COPS4: variants seen among roughly 807,000 people sequenced by gnomAD.
COPS4 encodes COP9 signalosome complex subunit 4.
COPS4 carries 8 observed loss-of-function variants against 55.1 expected under a neutral mutation model. That is an observed-to-expected ratio of 0.15 (90% CI 0.09 to 0.26). The LOEUF (loss-of-function observed/expected upper bound fraction) is 0.26. COPS4 is among the 10% of genes least tolerant of loss of function. The pLI is 1.00. For missense variants in COPS4, 248 were observed against 484.0 expected (o/e 0.51, Z 4.58); for synonymous variants, 185 against 165.7 (o/e 1.12, Z -0.90).
chr4:83,042,398 A>G (rs1730590966), intron 1 of COPS4, among the ~76,000 whole-genome samples: 1 of 152,100 alleles, frequency 6.6e-6, no homozygotes, highest in Non-Finnish European at 1.5e-5. Flanking sequence ...TTTGTTAGTC[A>G]TTTTATGTTA....
intron 7 of COPS4, among the ~76,000 whole-genome samples, chr4:83,064,718 C>G (rs1219290476): frequency 6.6e-6 from 1 of 151,910 alleles, no homozygotes; most frequent in African/African-American, 2.4e-5. Flanking sequence ...CACCACCATG[C>G]CTGGTTAATA....
chr4:83,039,451 C>CT (rs1192916082), intron 1 of COPS4, among the ~76,000 whole-genome samples: 1 of 152,152 alleles, frequency 6.6e-6, no homozygotes, highest in Non-Finnish European at 1.5e-5. Context: ...GAAATAAACT[C>CT]TACCTTTTGA....
rs572628252 is a variant in COPS4 at position 83,059,040 on chromosome 4, A to G, written c.715+1632A>G. 1.6e-3 allele frequency among the ~76,000 whole-genome samples: 241 copies of G among 151,824 alleles called. 2 individuals are homozygous for G. Among genetic ancestry groups the G allele is most frequent in the Non-Finnish European group, 2.0e-3 (133 of 67,958 alleles). On this transcript the variant is annotated intron_variant, in intron 6 of 9. Transcript: ENST00000264389. ...TTTGTATTGATGAATGCTCTTGAGC[A>G]TTTTTCGTATGTTTAAAAAAATTGT...
intron 9 of COPS4, among the ~76,000 whole-genome samples, chr4:83,070,874 A>C (rs1038083563): frequency 2.6e-5 from 4 of 152,242 alleles, no homozygotes; most frequent in African/African-American, 9.6e-5. Context: ...AAAGTTCTAC[A>C]AAGTCTCCCA....
At chr4:83,035,359 C>A in intron 1 of COPS4, 61 bp downstream of exon 1, 1 of 1,350,032 alleles carries the variant, frequency 7.4e-7, no homozygotes, top group Non-Finnish European at 1.0e-6. Flanking sequence ...CAGCCTTAAT[C>A]TCCTTAGGTT....
chr4:83,044,659 C>T (rs1213140997), intron 1 of COPS4, among the ~76,000 whole-genome samples: 1 of 142,370 alleles, frequency 7.0e-6, no homozygotes, highest in Non-Finnish European at 1.5e-5. Context: ...CCTGTAATCC[C>T]AGCTACTCAG....
At position 83,037,660 on chromosome 4, in the gene COPS4, A is replaced by AT. The variant is rs1730460989; in HGVS notation, c.74+2368dup. ...ATATCAGTGTGTTTTTTTTTAATGT[A>AT]TTTTTTCTTGTATGTACTTTTAATG... On this transcript the variant is annotated intron_variant, in intron 1 of 9. Transcript: ENST00000264389. Among the ~76,000 whole-genome samples, 12 of 151,654 alleles carry AT rather than the reference A, an allele frequency of 7.9e-5. 2 individuals are homozygous for AT. In the South Asian group the frequency reaches 2.5e-3, roughly 32 times the overall value.
At chr4:83,062,973 A>G (rs749371150) in intron 6 of COPS4, 103 bp from the exon 7 acceptor site, 1 of 942,878 alleles carries the variant, frequency 1.1e-6, no homozygotes, top group Non-Finnish European at 1.6e-6. Flanking sequence ...TACTGGCTGT[A>G]TATTTAGTAG....
Position 83,045,424 on chromosome 4 carries a change from T to C in COPS4, c.75-202T>C, listed in dbSNP as rs540324158. ...CTATACTGAAAACTAGATGAAGTGGTACCTTATATAATTATAGATTTAATA... is the reference window on the plus strand; with the variant it reads ...CTATACTGAAAACTAGATGAAGTGGCACCTTATATAATTATAGATTTAATA... On this transcript the variant is annotated intron_variant, in intron 1 of 9. Transcript: ENST00000264389. Among the ~76,000 whole-genome samples the C allele has an allele frequency of 2.4e-4, 37 of 152,236 alleles. No homozygotes were observed. The East Asian group carries it at 5.4e-3, about 22-fold the overall frequency.
chr4:83,056,803 A>C (rs1438179773), intron 4 of COPS4, 123 bp from the exon 5 acceptor site: 10 of 782,582 alleles, frequency 1.3e-5, no homozygotes, highest in African/African-American at 5.3e-5. Context: ...CATCTCAAAA[A>C]AAAAGTTTGA....
chr4:83,036,915 C>G (rs1200725652), intron 1 of COPS4, among the ~76,000 whole-genome samples: 1 of 152,204 alleles, frequency 6.6e-6, no homozygotes, highest in East Asian at 1.9e-4. Context: ...TAAGTATTTA[C>G]TTCTTCAGGT....
intron 8 of COPS4, among the ~76,000 whole-genome samples, chr4:83,067,442 T>A (rs566047858): frequency 6.6e-6 from 1 of 151,716 alleles, no homozygotes; most frequent in Admixed American, 6.6e-5. Flanking sequence ...GCCAGGCTGG[T>A]CTCAAATTCC....
At chr4:83,056,659 C>G (rs1403962623) in intron 4 of COPS4, among the ~76,000 whole-genome samples, 1 of 151,974 alleles carries the variant, frequency 6.6e-6, no homozygotes, top group African/African-American at 2.4e-5. Flanking sequence ...ATTAGCTGGG[C>G]GTGGTGGCTG....
At position 83,075,699 on chromosome 4, in the gene COPS4, T is replaced by A. The variant is rs763248076; in HGVS notation, c.*269T>A. On this transcript the variant is annotated 3_prime_UTR_variant, in exon 10 of 10. Coordinates refer to ENST00000264389, the MANE Select transcript of COPS4 (RefSeq NM_016129.3). ...GGTGAAATATCTGTGGCTAAAAAGT[T>A]TGAGATTTGTGATAACTTTGTAGTC... is the stretch of plus-strand genomic sequence containing the variant. 1.3e-4 allele frequency: 37 copies of A among 291,426 alleles called. No homozygotes were observed. The highest frequency in any genetic ancestry group is 2.2e-4 in the South Asian group (2 of 8,934). 18.1% of individuals were successfully genotyped at this position (291,426 alleles called of 1,614,324 possible). A position where few individuals can be genotyped will look rare whatever the true frequency, so the allele number is the denominator to read the frequency against.
chr4:83,044,583 C>T (rs1730657243), intron 1 of COPS4, among the ~76,000 whole-genome samples: 1 of 151,940 alleles, frequency 6.6e-6, no homozygotes, highest in Non-Finnish European at 1.5e-5. Flanking sequence ...TGAGACCAGC[C>T]TGACCACATG....
In COPS4 at chr4:83,045,610, TTTGGTATTGTTG is replaced by T. The variant is rs1560435833; in HGVS notation, c.75-14_75-3del. On this transcript the variant is annotated splice_polypyrimidine_tract_variant and splice_region_variant and intron_variant, in intron 1 of 9. Coordinates refer to ENST00000264389, the MANE Select transcript of COPS4 (RefSeq NM_016129.3). ...TAGTACCCTCAGAACATTATTTTCA[TTTGGTATTGTTG>T]TAGGTATCGTCAGATCCTGGAAAAA... 6.3e-7 allele frequency: 1 copy of T among 1,585,556 alleles called. No homozygotes were observed. The highest frequency in any genetic ancestry group is 8.7e-7 in the Non-Finnish European group (1 of 1,154,712).
intron 2 of COPS4, among the ~76,000 whole-genome samples, chr4:83,046,122 A>G (rs1257245449): frequency 1.3e-5 from 2 of 151,862 alleles, no homozygotes; most frequent in African/African-American, 4.8e-5. Context: ...AGGGTAGTAC[A>G]GTACTGTACT....
chr4:83,059,720 G>T (rs956421709), intron 6 of COPS4, among the ~76,000 whole-genome samples: 1 of 150,494 alleles, frequency 6.6e-6, no homozygotes, highest in East Asian at 2.0e-4. Flanking sequence ...TTTTTGAAAC[G>T]GAGTCTCACT....
At chr4:83,042,972 A>G (rs1271841997) in intron 1 of COPS4, among the ~76,000 whole-genome samples, 1 of 148,828 alleles carries the variant, frequency 6.7e-6, no homozygotes. Flanking sequence ...CTGGTCTTGA[A>G]CTCCTGGACT....
Sources: gnomAD v4.1 joint callset for allele counts (sites outside exome capture counted in the v4.1 genomes callset) on GRCh38, gnomAD v4.1.1 for gene constraint, MANE v1.5 for transcripts, NCBI Gene and HGNC (gene_info 2026-07-23, HGNC 2026-07-21) for gene names.